Variants in DOCK10 observed in about 807,000 individuals in gnomAD.
DOCK10 encodes the protein dedicator of cytokinesis 10.
DOCK10 carries 145 observed loss-of-function variants against 280.1 expected under a neutral mutation model. The ratio of observed to expected loss-of-function variants is 0.52; its 90% CI spans 0.45 to 0.59. The LOEUF (loss-of-function observed/expected upper bound fraction) is 0.59. DOCK10 is among the 20% of genes least tolerant of loss of function. The pLI, the probability that DOCK10 is intolerant of heterozygous loss-of-function variation, is 0.00. For synonymous variants in DOCK10, 915 were observed against 942.2 expected (o/e 0.97, Z 0.53); for missense variants, 2,368 against 2,651.7 (o/e 0.89, Z 2.35).
At chr2:224,792,210 T>A (rs552608304) in intron 47 of DOCK10, among the ~76,000 whole-genome samples, 13 of 152,342 alleles carry the variant, frequency 8.5e-5, no homozygotes, top group African/African-American at 3.1e-4. Context: ...GTTTATACTT[T>A]TTAAAAATGA....
chr2:224,791,569 A>G (rs926946529), intron 47 of DOCK10, among the ~76,000 whole-genome samples: 2 of 151,442 alleles, frequency 1.3e-5, no homozygotes, highest in African/African-American at 4.9e-5. Flanking sequence ...GGTTCAAGCA[A>G]TTCTCTGCCT....
Position 225,042,197 on chromosome 2 carries a change from T to G in DOCK10, c.123+55A>C. 8.2e-7 allele frequency: 1 copy of G among 1,225,160 alleles called. No homozygotes were observed. The highest frequency in any genetic ancestry group is 1.0e-6 in the Non-Finnish European group (1 of 983,496). The allele number at this position is 1,225,160 out of a possible 1,614,324, so 75.9% of individuals were successfully genotyped here. A position where few individuals can be genotyped will look rare whatever the true frequency, so the allele number is the denominator to read the frequency against. ...GAGCTTTTGGGGAAGCTGGGCTCCG[T>G]TCCCCCCGGGCGCCTGGGGCGCGCG... On this transcript the variant is annotated intron_variant, in intron 1 of 55. Transcript: ENST00000258390. The surrounding 1 kb of genome is among the most constrained non-coding windows in gnomAD (Gnocchi z 5.1).
rs925315250 is a variant in DOCK10 at position 224,790,525 on chromosome 2, C to T, written c.5312-1355G>A. 5.3e-5 allele frequency among the ~76,000 whole-genome samples: 8 copies of T among 152,172 alleles called. No individual in the cohort carries two copies. In the East Asian group the frequency reaches 1.5e-3, roughly 29 times the overall value. Reference sequence around the variant, plus strand: ...ATGTTTTTGTTTTTAATAATCAGCTCATTGGTTATGTAACTAAATGATCAC... The same window carrying T: ...ATGTTTTTGTTTTTAATAATCAGCTTATTGGTTATGTAACTAAATGATCAC... On this transcript the variant is annotated intron_variant, in intron 47 of 55. Coordinates refer to ENST00000258390, the MANE Select transcript of DOCK10 (RefSeq NM_014689.3).
At chr2:224,816,273 G>C (rs1486215978) in intron 30 of DOCK10, among the ~76,000 whole-genome samples, 1 of 149,816 alleles carries the variant, frequency 6.7e-6, no homozygotes, top group African/African-American at 2.4e-5. Flanking sequence ...ATAATTTTAT[G>C]TCTCAAAATG....
At chr2:224,769,020 G>A (rs1690241582) in intron 55 of DOCK10, 3 of 434,366 alleles carry the variant, frequency 6.9e-6, no homozygotes, top group Non-Finnish European at 1.4e-5. Flanking sequence ...TTGGAGACAA[G>A]CATTCCTTCA....
chr2:224,778,183 A>G lies in DOCK10; in HGVS notation c.5757T>C (p.Asp1919=). ...TCTTCACATTGTCTGCTCCAAATTT[A>G]TCTGCATAGAGCTTGAGTAATCTTT... ...ISQRLLKLYA[D]KFGADNVKII... The change falls in exon 51 of 56, where the codon GAT becomes GAC. Residue 1919 remains aspartate, a synonymous_variant. Transcript: ENST00000258390. The G allele has an allele frequency of 6.2e-7, 1 of 1,613,544 alleles. No homozygotes were observed. Among genetic ancestry groups the G allele is most frequent in the Non-Finnish European group, 8.5e-7 (1 of 1,179,632 alleles).
At chr2:224,781,113 A>C (rs1691302643) in intron 50 of DOCK10, among the ~76,000 whole-genome samples, 1 of 152,142 alleles carries the variant, frequency 6.6e-6, no homozygotes, top group Non-Finnish European at 1.5e-5. Context: ...AACAATGATG[A>C]AAAATCTCTG....
intron 1 of DOCK10, among the ~76,000 whole-genome samples, chr2:225,035,472 AT>A (rs11462616): frequency 6.5e-5 from 9 of 138,502 alleles, no homozygotes; most frequent in African/African-American, 1.6e-4. Flanking sequence ...TGATATCACC[AT>A]TTTTTTTAAA....
chr2:224,966,215 T>A (rs1704732467), intron 1 of DOCK10, among the ~76,000 whole-genome samples: 1 of 152,110 alleles, frequency 6.6e-6, no homozygotes, highest in Non-Finnish European at 1.5e-5. Flanking sequence ...TTGAAAGACT[T>A]TTCTGAAGGG....
chr2:224,778,455 A>G (rs1204793628), intron 50 of DOCK10, 171 bp from the exon 51 acceptor site: 4 of 697,228 alleles, frequency 5.7e-6, no homozygotes, highest in Non-Finnish European at 7.7e-6. Flanking sequence ...GTGAGAAAAT[A>G]AAGTATCATC....
In DOCK10 at chr2:224,864,926, T is replaced by A. The variant is rs756018663; in HGVS notation, c.1419A>T (p.Arg473Ser). Reference protein sequence around the residue: ...ENGNIDTITPRQSEEPHIKGL... With the variant: ...ENGNIDTITPSQSEEPHIKGL... ...CCTTGATGTGAGGTTCTTCTGATTGTCTTGGAGTGATGGTGTCGATGTTGC... is the reference window on the plus strand; with the variant it reads ...CCTTGATGTGAGGTTCTTCTGATTGACTTGGAGTGATGGTGTCGATGTTGC... The change falls in exon 12 of 56, where the codon AGA becomes AGT. Residue 473 changes from arginine (R) to serine (S), a missense_variant. Physicochemically the swap from Arg to Ser is moderately radical, Grantham distance 110. This residue lies in a region of DOCK10 where 1,209 missense variants were observed against 1,250.9 expected (regional missense o/e 0.97). Transcript: ENST00000258390. 25 of 1,613,986 alleles carry A rather than the reference T, an allele frequency of 1.5e-5. No homozygotes were observed. In the Admixed American group the frequency reaches 4.2e-4, roughly 27 times the overall value.
chr2:224,785,436 ACTTAT>A (rs967399436), intron 50 of DOCK10, among the ~76,000 whole-genome samples: 2 of 152,158 alleles, frequency 1.3e-5, no homozygotes, highest in African/African-American at 4.8e-5. Flanking sequence ...ACTTGGTGAT[ACTTAT>A]CTTTTCCAGG....
chr2:224,842,967 C>A (rs1696064717), intron 22 of DOCK10, among the ~76,000 whole-genome samples: 1 of 152,138 alleles, frequency 6.6e-6, no homozygotes, highest in Non-Finnish European at 1.5e-5. Context: ...GAGGAAGTGA[C>A]AACTGAGCTA....
intron 25 of DOCK10, among the ~76,000 whole-genome samples, chr2:224,837,555 G>C (rs1254876453): frequency 2.0e-4 from 31 of 152,038 alleles, no homozygotes; most frequent in Admixed American, 2.0e-3. Context: ...TATGTGCACA[G>C]GTACACATTA....
intron 1 of DOCK10, among the ~76,000 whole-genome samples, chr2:224,931,883 T>G (rs1316579041): frequency 1.3e-5 from 2 of 152,132 alleles, no homozygotes; most frequent in Non-Finnish European, 2.9e-5. Flanking sequence ...ACCTGATATC[T>G]CCCTCAGAAA....
chr2:224,828,045 C>T (rs1425561239), intron 27 of DOCK10, among the ~76,000 whole-genome samples: 1 of 152,202 alleles, frequency 6.6e-6, no homozygotes, highest in Non-Finnish European at 1.5e-5. Context: ...AAAGGCCTCT[C>T]CCTGCTAGAA....
Position 224,805,457 on chromosome 2 carries a change from T to C in DOCK10, c.3887A>G (p.Asn1296Ser), listed in dbSNP as rs759928462. The change falls in exon 35 of 56, where the codon AAT (asparagine) becomes AGT (serine). Residue 1296 changes from asparagine to serine, a missense_variant. Physicochemically the swap from Asn to Ser is conservative, Grantham distance 46. Transcript: ENST00000258390. The surrounding 1 kb of genome is among the most constrained non-coding windows in gnomAD (Gnocchi z 4.3). The part of the protein sequence containing the change: ...SRASLASLDS[N>S]PSTNEKSSEK... ...ACTGCTCTTCTCATTGGTACTTGGA[T>C]TGGAGTCAAGACTTGCTAAAGATGC... The C allele has an allele frequency of 2.5e-5, 41 of 1,612,726 alleles. No individual in the cohort carries two copies. In the East Asian group the frequency reaches 6.2e-4, roughly 25 times the overall value.
rs755926775 is a variant in DOCK10 at position 224,770,340 on chromosome 2, T to C, written c.6315A>G (p.Ala2105=). 1.1e-5 allele frequency: 17 copies of C among 1,597,674 alleles called. No homozygotes were observed. Among genetic ancestry groups the C allele is most frequent in the Admixed American group, 1.8e-5 (1 of 56,682 alleles). ...KLLKEIFRQF[A]DACGQALDVN... is the part of the protein sequence containing the mutation. ...CGTCAAGGGCCTGCCCACATGCATC[T>C]GCAAATTGCCTTTAGCGACAGCATT... Residue 2105 remains alanine, a synonymous_variant, in exon 55 of 56, where the codon GCA becomes GCG. Transcript: ENST00000258390. This position sits in a 1 kb window ranked among gnomAD's most constrained non-coding sequence, Gnocchi z 4.5.
chr2:224,988,218 C>A (rs867341070), intron 1 of DOCK10, among the ~76,000 whole-genome samples: 1 of 152,160 alleles, frequency 6.6e-6, no homozygotes, highest in Non-Finnish European at 1.5e-5. Flanking sequence ...GTCCTTATCA[C>A]GGTACCCTGT....
Sources: gnomAD v4.1 joint callset for allele counts (sites outside exome capture counted in the v4.1 genomes callset) on GRCh38, gnomAD v4.1.1 for gene constraint, gnomAD v4.1.1 regional missense constraint, Gnocchi (gnomAD v3.1) non-coding constraint, MANE v1.5 for transcripts, NCBI Gene and HGNC (gene_info 2026-07-23, HGNC 2026-07-21) for gene names.